Variants in PRPF6 observed in about 807,000 individuals in gnomAD.
The protein encoded by PRPF6 is pre-mRNA-processing factor 6.
A neutral mutation model predicts 118.3 loss-of-function variants in PRPF6; 42 were observed. The ratio of observed to expected loss-of-function variants is 0.35; its 90% CI spans 0.28 to 0.46. The LOEUF (loss-of-function observed/expected upper bound fraction) is 0.46. Among genes scored for constraint, PRPF6 ranks in the 20% least tolerant of loss-of-function variants. The probability of loss-of-function intolerance (pLI) is 1.00; values close to 1 mark genes in which losing one functional copy is unlikely to be tolerated. For missense variants in PRPF6, 662 were observed against 1,255.7 expected (o/e 0.53, Z 7.15); for synonymous variants, 481 against 485.1 (o/e 0.99, Z 0.11).
intron 3 of PRPF6, among the ~76,000 whole-genome samples, chr20:63,986,084 A>G (rs767262173): frequency 1.9e-4 from 29 of 152,160 alleles, no homozygotes; most frequent in Non-Finnish European, 3.7e-4. Context: ...CTGTAATTCT[A>G]GCACTTTGGG....
chr20:63,994,865 A>G (rs1450161655), intron 4 of PRPF6, 51 bp from the exon 5 acceptor site: 1 of 1,610,694 alleles, frequency 6.2e-7, no homozygotes, highest in Non-Finnish European at 8.5e-7. Flanking sequence ...CTACCTGGGC[A>G]CATGAAATTC....
intron 9 of PRPF6, among the ~76,000 whole-genome samples, chr20:64,005,085 G>A (rs571427299): frequency 6.0e-4 from 92 of 152,226 alleles, no homozygotes; most frequent in African/African-American, 2.1e-3. Context: ...CAACTTCAGG[G>A]GTGTGTGCTT....
rs375368033 is a variant in PRPF6, at chr20:64,020,446, C to T, written c.1648-2311C>T. ...AAAAATCCTTTCAGCATCTGCAGGG[C>T]GCAGAGGACGGTGACTTGCCCCTGT... On this transcript the variant is annotated intron_variant, in intron 12 of 20. Transcript: ENST00000266079. Among the ~76,000 whole-genome samples, 60 of 152,156 alleles carry T rather than the reference C, an allele frequency of 3.9e-4. No homozygotes were observed. The East Asian group carries it at 0.011, about 29-fold the overall frequency.
Position 63,993,258 on chromosome 20 carries a change from GTGTGTATA to G in PRPF6, c.360-145_360-138del, listed in dbSNP as rs1425105883. The G allele has an allele frequency of 5.1e-4, 211 of 411,768 alleles. 2 individuals are homozygous for G. Among genetic ancestry groups the G allele is most frequent in the African/African-American group, 4.5e-3 (189 of 42,338 alleles). 25.5% of individuals were successfully genotyped at this position (411,768 alleles called of 1,614,324 possible). On this transcript the variant is annotated intron_variant, in intron 3 of 20. Transcript: ENST00000266079. ...TGTGTGTGTGTGTGTGTGTGTGTGT[GTGTGTATA>G]TGTATATATATATATATATATTTGA...
chr20:64,032,249 C>T (rs554024540), intron 20 of PRPF6, among the ~76,000 whole-genome samples: 1 of 152,354 alleles, frequency 6.6e-6, no homozygotes, highest in South Asian at 2.1e-4. Flanking sequence ...TGGTTATAGC[C>T]TCACAGCTCC....
In PRPF6 at chr20:64,028,254, C is replaced by T. The variant is rs1303898051; in HGVS notation, c.2340-224C>T. ...GATGCCTTCACCTGCATCTGGACAG[C>T]GTCAGGATCTGAGGTCTTGCCTTGG... On this transcript the variant is annotated intron_variant, in intron 17 of 20. Transcript: ENST00000266079. The surrounding 1 kb of genome is among the most constrained non-coding windows in gnomAD (Gnocchi z 6.5). Among the ~76,000 whole-genome samples, 1 of 152,222 alleles carries T rather than the reference C, an allele frequency of 6.6e-6. No homozygotes were observed. Among genetic ancestry groups the T allele is most frequent in the Non-Finnish European group, 1.5e-5 (1 of 68,030 alleles).
chr20:63,999,756 C>T lies in PRPF6; in HGVS notation c.1020C>T (p.Pro340=). 1 of 1,614,050 alleles carries T rather than the reference C, an allele frequency of 6.2e-7. No homozygotes were observed. Among genetic ancestry groups the T allele is most frequent in the Non-Finnish European group, 8.5e-7 (1 of 1,179,992 alleles). The part of the protein sequence containing the change: ...NLIMKGTEMC[P]KSEDVWLEAA... The stretch of plus-strand genomic sequence containing the variant: ...TCATGAAGGGGACGGAGATGTGCCC[C>T]AAGGTGAGGTATTTCCTGGGAGGCG... Residue 340 remains proline, a synonymous_variant, in exon 8 of 21, where the codon CCC becomes CCT. Coordinates refer to ENST00000266079, the MANE Select transcript of PRPF6 (RefSeq NM_012469.4).
rs56207811 is a variant in PRPF6, at chr20:64,013,942, G to GT, written c.1524+2449dup. Among the ~76,000 whole-genome samples the GT allele has an allele frequency of 7.6e-3, 1,112 of 147,262 alleles. 4 individuals carry two copies. The highest frequency in any genetic ancestry group is 9.0e-3 in the African/African-American group (364 of 40,322). On this transcript the variant is annotated intron_variant, in intron 11 of 20. Transcript: ENST00000266079. ...TCTGTAGCCTTTTGTTTTTGTTTTTGTTTTTTTTTTGAGACAGGGTGGGTC... is the reference window on the plus strand; with the variant it reads ...TCTGTAGCCTTTTGTTTTTGTTTTTGTTTTTTTTTTTGAGACAGGGTGGGTC...
In PRPF6 at chr20:64,028,407, C is replaced by T. The variant is rs373765325; in HGVS notation, c.2340-71C>T. 5.2e-6 allele frequency: 8 copies of T among 1,525,616 alleles called. No individual in the cohort carries two copies. The highest frequency in any genetic ancestry group is 4.5e-5 in the East Asian group (2 of 44,358). The allele number at this position is 1,525,616 out of a possible 1,614,324, so 94.5% of individuals were successfully genotyped here. ...GGGTGGAGAGCCCTTTCAGACAAGGCTTCCCAGAAGCTACCAGAATATGTG... is the reference window on the plus strand; with the variant it reads ...GGGTGGAGAGCCCTTTCAGACAAGGTTTCCCAGAAGCTACCAGAATATGTG... On this transcript the variant is annotated intron_variant, in intron 17 of 20. Transcript: ENST00000266079. This position sits in a 1 kb window ranked among gnomAD's most constrained non-coding sequence, Gnocchi z 6.5.
Position 64,028,948 on chromosome 20 carries a change from T to C in PRPF6, c.2431+379T>C, listed in dbSNP as rs1267957405. Among the ~76,000 whole-genome samples, 2 of 152,048 alleles carry C rather than the reference T, an allele frequency of 1.3e-5. No homozygotes were observed. The highest frequency in any genetic ancestry group is 1.3e-4 in the Admixed American group (2 of 15,274). On this transcript the variant is annotated intron_variant, in intron 18 of 20. Coordinates refer to ENST00000266079, the MANE Select transcript of PRPF6 (RefSeq NM_012469.4). The surrounding 1 kb of genome is among the most constrained non-coding windows in gnomAD (Gnocchi z 6.5). ...GACTGAGGCGGGAGGATTGCTTGAG[T>C]CCAGGAGTCCATTGCTTGAGACCAG...
In PRPF6 at chr20:64,028,336, G is replaced by A. The variant is rs1324280170; in HGVS notation, c.2340-142G>A. 6 of 848,258 alleles carry A rather than the reference G, an allele frequency of 7.1e-6. No individual in the cohort carries two copies. The highest frequency in any genetic ancestry group is 1.1e-5 in the Non-Finnish European group (6 of 523,080). 52.5% of individuals were successfully genotyped at this position (848,258 alleles called of 1,614,324 possible). ...GGCCCCAGCGCCTTGTTTCTGTGGT[G>A]GATGAGCTCTGCTGTGGAGGGAATG... On this transcript the variant is annotated intron_variant, in intron 17 of 20. Coordinates refer to ENST00000266079, the MANE Select transcript of PRPF6 (RefSeq NM_012469.4). This position sits in a 1 kb window ranked among gnomAD's most constrained non-coding sequence, Gnocchi z 6.5.
At chr20:64,000,697 T>A (rs2059162837) in intron 8 of PRPF6, among the ~76,000 whole-genome samples, 1 of 151,914 alleles carries the variant, frequency 6.6e-6, no homozygotes, top group African/African-American at 2.4e-5. Context: ...GCCTCCTGAG[T>A]ACCTGGGATT....
intron 9 of PRPF6, among the ~76,000 whole-genome samples, chr20:64,006,403 G>A (rs1334881407): frequency 1.4e-5 from 2 of 147,494 alleles, no homozygotes; most frequent in Admixed American, 7.0e-5. Flanking sequence ...TGCAACCTCC[G>A]CCTCCTGGGT....
At chr20:64,030,903 A>G (rs958240345) in intron 19 of PRPF6, among the ~76,000 whole-genome samples, 2 of 152,210 alleles carry the variant, frequency 1.3e-5, no homozygotes, top group Non-Finnish European at 2.9e-5. Context: ...TCTCTTGACT[A>G]CGGTGCCTCT....
intron 20 of PRPF6, among the ~76,000 whole-genome samples, chr20:64,032,451 G>T (rs12624642): frequency 6.6e-6 from 1 of 151,910 alleles, no homozygotes; most frequent in East Asian, 1.9e-4. Flanking sequence ...CACCCGCCCC[G>T]CTAGAGCCAA....
chr20:64,027,823 C>G lies in PRPF6; in HGVS notation c.2339+87C>G, dbSNP rs2059297690. ...TCACCCAGCTGCTTGTGTGGAGTCA[C>G]TCGTGCAGTGCTTCCAGGCTCAGGG... On this transcript the variant is annotated intron_variant, in intron 17 of 20. Coordinates refer to ENST00000266079, the MANE Select transcript of PRPF6 (RefSeq NM_012469.4). This position sits in a 1 kb window ranked among gnomAD's most constrained non-coding sequence, Gnocchi z 6.5. 11 of 1,574,436 alleles carry G rather than the reference C, an allele frequency of 7.0e-6. No homozygotes were observed. The highest frequency in any genetic ancestry group is 2.2e-5 in the East Asian group (1 of 44,662).
intron 1 of PRPF6, among the ~76,000 whole-genome samples, chr20:63,981,763 T>C (rs746542096): frequency 6.6e-5 from 10 of 151,090 alleles, no homozygotes; most frequent in Non-Finnish European, 1.5e-4. Context: ...CCTATTTGGC[T>C]ATTCATTTGA....
chr20:64,024,795 CTGT>C lies in PRPF6; in HGVS notation c.1908+108_1908+110del. ...TCTCCCACATACAATGTGGCACGTG[CTGT>C]TGTTGGGGTGCACTGGAGTCCAGGG... On this transcript the variant is annotated intron_variant, in intron 14 of 20. Transcript: ENST00000266079. 2.7e-6 allele frequency: 4 copies of C among 1,499,892 alleles called. No individual in the cohort carries two copies. The East Asian group carries it at 7.4e-5, about 28-fold the overall frequency. The allele number at this position is 1,499,892 out of a possible 1,614,324, so 92.9% of individuals were successfully genotyped here.
Position 64,011,306 on chromosome 20 carries a change from C to T in PRPF6, c.1327C>T (p.Leu443=). ...GTAGCTCTGGCTTGCTCTGGCAAGG[C>T]TGGAGACCTATGAAAATGCCCGCAA... ...SVELWLALAR[L]ETYENARKVL... Residue 443 remains leucine (L), a synonymous_variant, in exon 11 of 21, where the codon CTG becomes TTG. Coordinates refer to ENST00000266079, the MANE Select transcript of PRPF6 (RefSeq NM_012469.4). The surrounding 1 kb of genome is among the most constrained non-coding windows in gnomAD (Gnocchi z 6.7). 1 of 1,614,180 alleles carries T rather than the reference C, an allele frequency of 6.2e-7. No homozygotes were observed. The highest frequency in any genetic ancestry group is 8.5e-7 in the Non-Finnish European group (1 of 1,180,036).
Sources: gnomAD v4.1 joint callset for allele counts (sites outside exome capture counted in the v4.1 genomes callset) on GRCh38, gnomAD v4.1.1 for gene constraint, Gnocchi (gnomAD v3.1) non-coding constraint, MANE v1.5 for transcripts, NCBI Gene and HGNC (gene_info 2026-07-23, HGNC 2026-07-21) for gene names.